The following KLF12 variants were observed in gnomAD, a reference collection of about 807,000 sequenced individuals.
KLF12 encodes the protein KLF transcription factor 12, also known as Krueppel-like factor 12.
In KLF12, 9 loss-of-function variants were observed where a neutral mutation model predicts 37.8. That is an observed-to-expected ratio of 0.24 (90% CI 0.14 to 0.42). The LOEUF is 0.42. KLF12 is among the 10% of genes least tolerant of loss of function. The probability of loss-of-function intolerance (pLI) is 1.00; values close to 1 mark genes in which losing one functional copy is unlikely to be tolerated. For missense variants in KLF12, 411 were observed against 516.0 expected (o/e 0.80, Z 1.97); for synonymous variants, 208 against 202.1 (o/e 1.03, Z -0.25).
rs1290133422 is a variant in KLF12, at chr13:73,750,565, G to A, written c.869+14373C>T. On this transcript the variant is annotated intron_variant, in intron 6 of 7. Coordinates refer to ENST00000377669, the MANE Select transcript of KLF12 (RefSeq NM_007249.5). ...ATGCTATGCTCCATATGGTGGCATT[G>A]GATCAGAGAGGAAGAAGAGGCTGAT... is the stretch of plus-strand genomic sequence containing the variant. Among the ~76,000 whole-genome samples, 6 of 152,148 alleles carry A rather than the reference G, an allele frequency of 3.9e-5. No individual in the cohort carries two copies. In the East Asian group the frequency reaches 5.8e-4, roughly 15 times the overall value.
intron 3 of KLF12, among the ~76,000 whole-genome samples, chr13:73,900,086 A>G (rs1019068676): frequency 5.3e-5 from 8 of 152,238 alleles, no homozygotes; most frequent in African/African-American, 1.9e-4. Context: ...TCAATAAAGA[A>G]AAGGAAGATA....
At chr13:73,957,873 T>C (rs929247898) in intron 2 of KLF12, among the ~76,000 whole-genome samples, 1 of 152,186 alleles carries the variant, frequency 6.6e-6, no homozygotes, top group Non-Finnish European at 1.5e-5. Context: ...AATTAAAAGA[T>C]ACGCTGGGCA....
At chr13:73,950,429 C>T (rs1393279062) in intron 2 of KLF12, among the ~76,000 whole-genome samples, 1 of 152,126 alleles carries the variant, frequency 6.6e-6, no homozygotes, top group African/African-American at 2.4e-5. Flanking sequence ...TCTGAGCTTC[C>T]GAATAACACT....
At chr13:73,954,735 ATATAT>A (rs1890775842) in intron 2 of KLF12, among the ~76,000 whole-genome samples, 1 of 152,234 alleles carries the variant, frequency 6.6e-6, no homozygotes, top group Non-Finnish European at 1.5e-5. Flanking sequence ...ACTTGACCCA[ATATAT>A]AATCTATCAA....
chr13:74,033,848 G>A (rs1027466950), intron 1 of KLF12, among the ~76,000 whole-genome samples: 1 of 151,594 alleles, frequency 6.6e-6, no homozygotes, highest in Non-Finnish European at 1.5e-5. Context: ...AAATGGTTAG[G>A]CATACAGAAA....
chr13:74,269,210 G>A, the KLF12 span, among the ~76,000 whole-genome samples: 2 of 152,040 alleles, frequency 1.3e-5, no homozygotes, highest in African/African-American at 4.8e-5. Context: ...TGAAGGAGTG[G>A]GGAAGGCATA....
In KLF12 at chr13:73,930,950, G is replaced by A. The variant is rs558696042; in HGVS notation, c.123+13031C>T. On this transcript the variant is annotated intron_variant, in intron 3 of 7. Coordinates refer to ENST00000377669, the MANE Select transcript of KLF12 (RefSeq NM_007249.5). ...GCGATCTCGGCTCACAACATCCTTCGGGTTCAAGCAATTCTCCTACCTCAG... is the reference window on the plus strand; with the variant it reads ...GCGATCTCGGCTCACAACATCCTTCAGGTTCAAGCAATTCTCCTACCTCAG... Among the ~76,000 whole-genome samples, 18 of 142,384 alleles carry A rather than the reference G, an allele frequency of 1.3e-4. No individual in the cohort carries two copies. The South Asian group carries it at 3.1e-3, about 24-fold the overall frequency. The allele number at this position is 142,384 out of a possible 152,430, so 93.4% of individuals were successfully genotyped here.
intron 3 of KLF12, among the ~76,000 whole-genome samples, chr13:73,905,405 C>A (rs73523231): frequency 0.041 from 6,227 of 150,556 alleles, 373 homozygotes; most frequent in African/African-American, 0.12. Flanking sequence ...CTAAATTAAT[C>A]ACCTAGGCAA....
chr13:73,861,687 G>A (rs1412477252), intron 3 of KLF12, among the ~76,000 whole-genome samples: 1 of 151,914 alleles, frequency 6.6e-6, no homozygotes, highest in Non-Finnish European at 1.5e-5. Flanking sequence ...TTAATTTGTG[G>A]AATTATTCCG....
intron 2 of KLF12, among the ~76,000 whole-genome samples, chr13:73,954,229 G>A (rs1024187601): frequency 5.3e-5 from 8 of 151,852 alleles, no homozygotes; most frequent in African/African-American, 1.9e-4. Flanking sequence ...CCGCCCACCT[G>A]GGCCTCCCAA....
intron 2 of KLF12, among the ~76,000 whole-genome samples, chr13:73,952,793 AG>A (rs1409161960): frequency 6.6e-6 from 1 of 152,212 alleles, no homozygotes; most frequent in Admixed American, 6.5e-5. Flanking sequence ...CGTTGTTTAC[AG>A]AAAGACAGGA....
chr13:73,935,398 GT>G (rs1173532869), intron 3 of KLF12, among the ~76,000 whole-genome samples: 23 of 152,118 alleles, frequency 1.5e-4, no homozygotes, highest in Non-Finnish European at 2.9e-4. Flanking sequence ...GTATGATATG[GT>G]TTGGAAGTTT....
intron 7 of KLF12, among the ~76,000 whole-genome samples, chr13:73,705,335 A>G (rs1214370316): frequency 6.6e-6 from 1 of 152,134 alleles, no homozygotes; most frequent in Non-Finnish European, 1.5e-5. Flanking sequence ...GTGCAGTGGC[A>G]TGGTCTCAGC....
chr13:73,760,609 C>CACCA (rs1231041784), intron 6 of KLF12, among the ~76,000 whole-genome samples: 1 of 152,140 alleles, frequency 6.6e-6, no homozygotes. Context: ...AGGTGTGAGC[C>CACCA]ACCACATTTG....
rs1878407625 is a variant in KLF12, at chr13:74,133,819, TCACA to T, written c.-116_-113del. Among the ~76,000 whole-genome samples the T allele has an allele frequency of 1.0e-5, 1 of 95,464 alleles. No homozygotes were observed. Among genetic ancestry groups the T allele is most frequent in the Non-Finnish European group, 2.3e-5 (1 of 42,900 alleles). 62.6% of individuals were successfully genotyped at this position (95,464 alleles called of 152,430 possible). On this transcript the variant is annotated 5_prime_UTR_variant, in exon 1 of 8. Transcript: ENST00000377669. Reference sequence around the variant, plus strand: ...CCCTCTCTCTCTCCCTTTCTCTCTCTCACACGCGCGCGCGCACACACACACACAC... The same window carrying T: ...CCCTCTCTCTCTCCCTTTCTCTCTCTCGCGCGCGCGCACACACACACACAC...
intron 1 of KLF12, among the ~76,000 whole-genome samples, chr13:74,004,432 T>C (rs1892359603): frequency 6.6e-6 from 1 of 152,204 alleles, no homozygotes; most frequent in Non-Finnish European, 1.5e-5. Flanking sequence ...GTAACTTGCC[T>C]AACAAGCGGC....
At chr13:73,874,992 G>A (rs1361899527) in intron 3 of KLF12, among the ~76,000 whole-genome samples, 1 of 151,970 alleles carries the variant, frequency 6.6e-6, no homozygotes, top group African/African-American at 2.4e-5. Context: ...ATATAATCAG[G>A]AATAATTTGA....
intron 1 of KLF12, among the ~76,000 whole-genome samples, chr13:74,093,568 T>C (rs1179419627): frequency 1.3e-5 from 2 of 152,160 alleles, no homozygotes; most frequent in Non-Finnish European, 2.9e-5. Context: ...AAGATGGTCA[T>C]TATCATTTGC....
chr13:74,062,062 T>C (rs1248992356), intron 1 of KLF12, among the ~76,000 whole-genome samples: 2 of 152,148 alleles, frequency 1.3e-5, no homozygotes, highest in African/African-American at 4.8e-5. Flanking sequence ...GTTACCCTAT[T>C]TCTAATAAAC....
Sources: gnomAD v4.1 joint callset for allele counts (sites outside exome capture counted in the v4.1 genomes callset) on GRCh38, gnomAD v4.1.1 for gene constraint, MANE v1.5 for transcripts, NCBI Gene and HGNC (gene_info 2026-07-23, HGNC 2026-07-21) for gene names.